BAZ1B: variants seen among roughly 807,000 people sequenced by gnomAD.
The protein encoded by BAZ1B is tyrosine-protein kinase BAZ1B.
Under a neutral mutation model 153.8 loss-of-function variants are expected in BAZ1B, and 22 were observed. The ratio of observed to expected loss-of-function variants is 0.14; its 90% CI spans 0.10 to 0.20. The LOEUF is 0.20. Ranked by LOEUF, BAZ1B falls within the 10% of genes least tolerant of loss-of-function variation. The pLI, the probability that BAZ1B is intolerant of heterozygous loss-of-function variation, is 1.00. For synonymous variants in BAZ1B, 676 were observed against 633.4 expected (o/e 1.07, Z -1.01); for missense variants, 1,325 against 1,799.3 (o/e 0.74, Z 4.77).
At chr7:73,442,036 C>A (rs1415478089) in intron 19 of BAZ1B, 145 bp downstream of exon 19, 8 of 626,782 alleles carry the variant, frequency 1.3e-5, no homozygotes, top group Non-Finnish European at 1.9e-5. Context: ...CAATATCAAG[C>A]CCCATAAAGA....
At chr7:73,505,196 T>C (rs1289604751) in intron 3 of BAZ1B, among the ~76,000 whole-genome samples, 1 of 152,226 alleles carries the variant, frequency 6.6e-6, no homozygotes, top group Non-Finnish European at 1.5e-5. Context: ...CTTTCTATTT[T>C]ATGCTTCAAG....
At chr7:73,442,574 G>A in intron 18 of BAZ1B, 21 bp from the exon 19 acceptor site, 6 of 1,597,634 alleles carry the variant, frequency 3.8e-6, no homozygotes, top group Non-Finnish European at 5.1e-6. Flanking sequence ...GAACCAAATG[G>A]AGAATCTGCA....
chr7:73,443,105 G>A (rs1554565542), intron 17 of BAZ1B, among the ~76,000 whole-genome samples: 2 of 152,216 alleles, frequency 1.3e-5, no homozygotes. Context: ...CAGTCCTGCT[G>A]GAGGTCGGCT....
At chr7:73,451,041 C>T (rs1168255115) in intron 13 of BAZ1B, 47 bp from the exon 14 acceptor site, 1 of 1,597,462 alleles carries the variant, frequency 6.3e-7, no homozygotes, top group Non-Finnish European at 8.6e-7. Flanking sequence ...TGACCAAAGA[C>T]ACTGAGAGAG....
At chr7:73,508,250 T>A (rs1047961306) in intron 3 of BAZ1B, 77 bp downstream of exon 3, 3 of 1,464,348 alleles carry the variant, frequency 2.0e-6, no homozygotes, top group Admixed American at 4.0e-5. Flanking sequence ...TTTACACACA[T>A]AGAAATGTGT....
intron 13 of BAZ1B, among the ~76,000 whole-genome samples, chr7:73,456,165 T>C (rs1456274531): frequency 2.0e-5 from 3 of 151,962 alleles, no homozygotes; most frequent in Admixed American, 1.3e-4. Context: ...ACTCAAATGA[T>C]CAAAGACCTA....
chr7:73,506,641 C>A (rs924371777), intron 3 of BAZ1B, among the ~76,000 whole-genome samples: 3 of 151,272 alleles, frequency 2.0e-5, no homozygotes, highest in Non-Finnish European at 4.4e-5. Flanking sequence ...CACCCGAGGT[C>A]GAGAGTTCAA....
intron 13 of BAZ1B, among the ~76,000 whole-genome samples, chr7:73,451,270 G>T (rs898524723): frequency 6.6e-6 from 1 of 152,172 alleles, no homozygotes; most frequent in African/African-American, 2.4e-5. Flanking sequence ...AGGATCACCT[G>T]TATGCTGTAA....
In BAZ1B at chr7:73,489,293, A is replaced by G. The variant is rs1554575020; in HGVS notation, c.792T>C (p.Ala264=). The change falls in exon 6 of 20, where the codon GCT becomes GCC. Residue 264 remains alanine, a synonymous_variant. Transcript: ENST00000339594. ...RYFIRHNALR[A]GTGENAPWVV... ...CCCAAGGTGCATTTTCACCAGTACC[A>G]GCTCGTAATGCATTATGCCGTATAA... 3.7e-6 allele frequency: 6 copies of G among 1,614,054 alleles called. No individual in the cohort carries two copies. The South Asian group carries it at 5.5e-5, about 15-fold the overall frequency.
chr7:73,456,052 A>G (rs1484021414), intron 13 of BAZ1B, among the ~76,000 whole-genome samples: 2 of 152,222 alleles, frequency 1.3e-5, no homozygotes, highest in Non-Finnish European at 2.9e-5. Context: ...TTTACTTACA[A>G]TAATAAAGCA....
chr7:73,490,574 AAGGGAT>A (rs1789596236), intron 5 of BAZ1B, among the ~76,000 whole-genome samples: 1 of 151,976 alleles, frequency 6.6e-6, no homozygotes, highest in Non-Finnish European at 1.5e-5. Context: ...ATATGAATAC[AAGGGAT>A]ACTTAGGGAA....
intron 5 of BAZ1B, among the ~76,000 whole-genome samples, chr7:73,490,185 G>T (rs543548145): frequency 6.6e-6 from 1 of 152,262 alleles, no homozygotes; most frequent in Non-Finnish European, 1.5e-5. Context: ...CTCTCTGGCA[G>T]TAGAGGTTAG....
chr7:73,473,090 C>T (rs921664505), intron 7 of BAZ1B, among the ~76,000 whole-genome samples: 1 of 152,080 alleles, frequency 6.6e-6, no homozygotes, highest in African/African-American at 2.4e-5. Flanking sequence ...TACAGGCATG[C>T]GCCACCATGC....
chr7:73,461,387 A>G (rs576385690), intron 12 of BAZ1B, among the ~76,000 whole-genome samples: 1 of 152,374 alleles, frequency 6.6e-6, no homozygotes, highest in South Asian at 2.1e-4. Flanking sequence ...CAATTAGAAG[A>G]TAACGTTTTA....
At chr7:73,453,796 T>C (rs991000328) in intron 13 of BAZ1B, among the ~76,000 whole-genome samples, 1 of 151,042 alleles carries the variant, frequency 6.6e-6, no homozygotes, top group Non-Finnish European at 1.5e-5. Context: ...ACCAGCAACA[T>C]GGTGAAACCT....
At chr7:73,443,596 A>AG (rs1350494051) in intron 17 of BAZ1B, among the ~76,000 whole-genome samples, 22 of 152,212 alleles carry the variant, frequency 1.4e-4, no homozygotes, top group African/African-American at 5.1e-4. Flanking sequence ...TAAGGAGCAG[A>AG]GGGGAGGGTA....
At chr7:73,489,053 A>G in intron 6 of BAZ1B, 141 bp downstream of exon 6, 1 of 762,890 alleles carries the variant, frequency 1.3e-6, no homozygotes, top group South Asian at 1.9e-5. Context: ...AACAACCTGT[A>G]TGTAACAGAT....
At chr7:73,503,267 GT>G (rs1353542559) in intron 3 of BAZ1B, among the ~76,000 whole-genome samples, 2 of 152,060 alleles carry the variant, frequency 1.3e-5, no homozygotes, top group African/African-American at 4.8e-5. Flanking sequence ...AATCTGATGT[GT>G]ATACATTATC....
At chr7:73,490,609 T>A (rs1334866038) in intron 5 of BAZ1B, among the ~76,000 whole-genome samples, 1 of 144,976 alleles carries the variant, frequency 6.9e-6, no homozygotes, top group Admixed American at 6.8e-5. Flanking sequence ...AACTAAGCAT[T>A]TTTTTTTTTT....
Sources: gnomAD v4.1 joint callset for allele counts (sites outside exome capture counted in the v4.1 genomes callset) on GRCh38, gnomAD v4.1.1 for gene constraint, MANE v1.5 for transcripts, NCBI Gene and HGNC (gene_info 2026-07-23, HGNC 2026-07-21) for gene names.